Variants in RAD51B observed in about 807,000 individuals in gnomAD.
RAD51B encodes RAD51 paralog B.
A neutral mutation model predicts 42.2 loss-of-function variants in RAD51B; 38 were observed. The observed-to-expected ratio is 0.90, with a 90% confidence interval of 0.70 to 1.18. The LOEUF is 1.18. Among genes scored for constraint, RAD51B ranks in the 50% most tolerant of loss-of-function variants. RAD51B has a pLI of 0.00. For synonymous variants in RAD51B, 154 were observed against 145.2 expected (o/e 1.06, Z -0.43); for missense variants, 373 against 400.7 (o/e 0.93, Z 0.59).
chr14:68,165,434 G>A (rs2078729669), intron 7 of RAD51B, among the ~76,000 whole-genome samples: 1 of 152,198 alleles, frequency 6.6e-6, no homozygotes, highest in South Asian at 2.1e-4. Flanking sequence ...GGGTGGAACA[G>A]TGAAAATGGG....
downstream of RAD51B, among the ~76,000 whole-genome samples, chr14:68,613,511 T>A (rs1566955476): frequency 6.6e-6 from 1 of 151,100 alleles, no homozygotes; most frequent in Non-Finnish European, 1.5e-5. Flanking sequence ...TGGAGTGCAG[T>A]GGCACGATCT....
chr14:68,524,467 G>A (rs1886794742), intron 10 of RAD51B, among the ~76,000 whole-genome samples: 1 of 152,032 alleles, frequency 6.6e-6, no homozygotes, highest in South Asian at 2.1e-4. Context: ...AGAAATAGAA[G>A]CACATTGTGA....
intron 7 of RAD51B, among the ~76,000 whole-genome samples, chr14:67,958,514 A>G (rs2074596343): frequency 6.6e-6 from 1 of 152,268 alleles, no homozygotes; most frequent in Admixed American, 6.5e-5. Flanking sequence ...CTTACCACCA[A>G]GTGCTTGTCA....
intron 7 of RAD51B, among the ~76,000 whole-genome samples, chr14:67,905,005 T>A (rs2043737964): frequency 6.6e-6 from 1 of 151,702 alleles, no homozygotes; most frequent in Non-Finnish European, 1.5e-5. Context: ...TCCAGAATAG[T>A]GTTTCCTAGG....
intron 7 of RAD51B, among the ~76,000 whole-genome samples, chr14:67,986,011 TTGTG>T (rs10568389): frequency 0.035 from 5,333 of 150,848 alleles, 340 homozygotes; most frequent in African/African-American, 0.12. Flanking sequence ...GTACCTTGAT[TTGTG>T]TGTGTGTGTG....
At chr14:67,988,537 G>A (rs1339970453) in intron 7 of RAD51B, among the ~76,000 whole-genome samples, 1 of 151,966 alleles carries the variant, frequency 6.6e-6, no homozygotes, top group African/African-American at 2.4e-5. Flanking sequence ...TTTTTTCCAG[G>A]ATCAGGTGTA....
At chr14:68,075,156 T>TG (rs1377773454) in intron 7 of RAD51B, among the ~76,000 whole-genome samples, 2 of 150,492 alleles carry the variant, frequency 1.3e-5, no homozygotes, top group Non-Finnish European at 3.0e-5. Flanking sequence ...CAACCTGGGG[T>TG]GGGGTGGGTG....
intron 9 of RAD51B, among the ~76,000 whole-genome samples, chr14:68,424,722 G>A (rs2140116619): frequency 6.6e-6 from 1 of 152,294 alleles, no homozygotes; most frequent in African/African-American, 2.4e-5. Context: ...GAGTCTGTCA[G>A]CATTTGATCC....
At chr14:68,125,085 T>C (rs1296366959) in intron 7 of RAD51B, 1 of 152,184 alleles carries the variant, frequency 6.6e-6, no homozygotes, top group Non-Finnish European at 1.5e-5. Context: ...GTCATATGCT[T>C]TATGGTGCAC....
intron 10 of RAD51B, among the ~76,000 whole-genome samples, chr14:68,473,968 G>C (rs1460806819): frequency 6.6e-6 from 1 of 152,140 alleles, no homozygotes; most frequent in Non-Finnish European, 1.5e-5. Context: ...ACTTGCTTTT[G>C]TTGCTTAACA....
At chr14:67,858,026 A>C (rs1440141247) in intron 4 of RAD51B, 1 of 152,462 alleles carries the variant, frequency 6.6e-6, no homozygotes. Flanking sequence ...TGCCAGGAGC[A>C]AACTCCATGA....
chr14:68,135,994 G>A lies in RAD51B; in HGVS notation c.757-155890G>A, dbSNP rs569820565. ...ATAGTTCATATTTTTAAAAATCTTGGTCCTTATATTATTTATAAAAAAAGT... is the reference window on the plus strand; with the variant it reads ...ATAGTTCATATTTTTAAAAATCTTGATCCTTATATTATTTATAAAAAAAGT... On this transcript the variant is annotated intron_variant, in intron 7 of 10. Transcript: ENST00000471583. Among the ~76,000 whole-genome samples, 103 of 152,052 alleles carry A rather than the reference G, an allele frequency of 6.8e-4. 1 individual carries two copies. The highest frequency in any genetic ancestry group is 2.5e-3 in the African/African-American group (103 of 41,498).
chr14:68,161,626 T>C (rs1005814852), intron 7 of RAD51B, among the ~76,000 whole-genome samples: 3 of 152,178 alleles, frequency 2.0e-5, no homozygotes, highest in Admixed American at 1.3e-4. Context: ...GAAAGACAAA[T>C]GTCAACTAAA....
chr14:67,966,524 C>T (rs1375228295), intron 7 of RAD51B, among the ~76,000 whole-genome samples: 8 of 152,240 alleles, frequency 5.3e-5, no homozygotes, highest in African/African-American at 1.7e-4. Flanking sequence ...CTCTGACATT[C>T]TCTCACCACC....
intron 8 of RAD51B, among the ~76,000 whole-genome samples, chr14:68,295,428 C>G (rs148805207): frequency 6.6e-6 from 1 of 152,160 alleles, no homozygotes; most frequent in Non-Finnish European, 1.5e-5. Context: ...GCTGGTCAGC[C>G]GAGATTAAAG....
chr14:68,395,001 C>T (rs926371415), intron 8 of RAD51B, among the ~76,000 whole-genome samples: 3 of 152,284 alleles, frequency 2.0e-5, no homozygotes, highest in South Asian at 2.1e-4. Flanking sequence ...CTCGGCTCCC[C>T]GCACCAGAAC....
downstream of RAD51B, among the ~76,000 whole-genome samples, chr14:68,600,994 G>A (rs573725832): frequency 3.0e-4 from 45 of 152,190 alleles, no homozygotes; most frequent in African/African-American, 8.4e-4. Context: ...CAAACTGAGT[G>A]CATGCTTTCT....
chr14:68,283,382 T>G (rs1468253516), intron 7 of RAD51B, among the ~76,000 whole-genome samples: 1 of 152,138 alleles, frequency 6.6e-6, no homozygotes, highest in Non-Finnish European at 1.5e-5. Flanking sequence ...AGAAGGCTGG[T>G]AGGATAGTTT....
At chr14:68,095,475 A>G (rs1566641090) in intron 7 of RAD51B, among the ~76,000 whole-genome samples, 2 of 152,026 alleles carry the variant, frequency 1.3e-5, no homozygotes, top group South Asian at 2.1e-4. Context: ...AAAAAAAAAG[A>G]AGTCTTTCTT....
Sources: allele counts gnomAD v4.1 joint callset (sites outside exome capture counted in the v4.1 genomes callset), GRCh38; gene constraint gnomAD v4.1.1; transcripts MANE v1.5; gene names NCBI Gene and HGNC (gene_info 2026-07-23, HGNC 2026-07-21).